MAML3: variants seen among roughly 807,000 people sequenced by gnomAD.
MAML3 encodes mastermind-like protein 3.
Under a neutral mutation model 101.9 loss-of-function variants are expected in MAML3, and 27 were observed. That is an observed-to-expected ratio of 0.27 (90% CI 0.20 to 0.37). MAML3 has a LOEUF of 0.37. Ranked by LOEUF, MAML3 falls within the 10% of genes least tolerant of loss-of-function variation. The probability of loss-of-function intolerance (pLI) is 1.00; values close to 1 mark genes in which losing one functional copy is unlikely to be tolerated. For synonymous variants in MAML3, 501 were observed against 555.9 expected (o/e 0.90, Z 1.39); for missense variants, 1,316 against 1,444.9 (o/e 0.91, Z 1.45).
chr4:139,901,957 C>T (rs9884713), intron 1 of MAML3, among the ~76,000 whole-genome samples: 130,237 of 152,220 alleles, frequency 0.86, 56,027 homozygotes, highest in South Asian at 0.92. Context: ...GTGCACCAGC[C>T]TAGCAGGATG....
intron 2 of MAML3, among the ~76,000 whole-genome samples, chr4:139,878,356 T>G (rs1732152089): frequency 6.6e-6 from 1 of 152,162 alleles, no homozygotes. Flanking sequence ...TAGCACTGAC[T>G]ACTCGCTCCC....
At chr4:139,886,579 G>T (rs1180387588) in intron 2 of MAML3, among the ~76,000 whole-genome samples, 2 of 151,890 alleles carry the variant, frequency 1.3e-5, no homozygotes, top group Admixed American at 6.6e-5. Flanking sequence ...ATTGTTTTAT[G>T]ATCTATTTTA....
intron 1 of MAML3, chr4:140,133,193 A>C (rs1728825440): frequency 2.6e-6 from 1 of 389,584 alleles, no homozygotes; most frequent in Non-Finnish European, 5.1e-6. Context: ...GTTTACTTTA[A>C]AAGTCCTATT....
intron 2 of MAML3, among the ~76,000 whole-genome samples, chr4:139,784,955 G>A (rs934580780): frequency 6.6e-6 from 1 of 152,210 alleles, no homozygotes; most frequent in African/African-American, 2.4e-5. Flanking sequence ...GTGGAAAGAA[G>A]GTAGATGATG....
chr4:139,943,183 T>A (rs1437638366), intron 1 of MAML3, among the ~76,000 whole-genome samples: 1 of 152,198 alleles, frequency 6.6e-6, no homozygotes, highest in Non-Finnish European at 1.5e-5. Flanking sequence ...TCTAATCATT[T>A]CAGTTTGAAG....
chr4:139,793,845 A>G (rs1174207057), intron 2 of MAML3, among the ~76,000 whole-genome samples: 4 of 152,220 alleles, frequency 2.6e-5, no homozygotes, highest in South Asian at 4.1e-4. Flanking sequence ...ATGGTGTTCA[A>G]TGGTGAGGCA....
intron 1 of MAML3, among the ~76,000 whole-genome samples, chr4:140,072,280 A>T (rs1390126696): frequency 1.3e-5 from 2 of 152,208 alleles, no homozygotes; most frequent in African/African-American, 4.8e-5. Flanking sequence ...ACATGTACAG[A>T]CTTTTTTCTT....
intron 2 of MAML3, among the ~76,000 whole-genome samples, chr4:139,747,040 C>T (rs536950337): frequency 4.1e-4 from 62 of 152,286 alleles, no homozygotes; most frequent in Non-Finnish European, 7.4e-4. Context: ...TGTTTGGAAC[C>T]TACTGAGTCT....
intron 1 of MAML3, among the ~76,000 whole-genome samples, chr4:139,919,967 C>T (rs1451490903): frequency 6.6e-6 from 1 of 152,140 alleles, no homozygotes; most frequent in African/African-American, 2.4e-5. Flanking sequence ...ACTATTTTTG[C>T]TATAGAGGCC....
intron 1 of MAML3, among the ~76,000 whole-genome samples, chr4:139,999,847 C>T (rs1183733220): frequency 6.6e-6 from 1 of 152,212 alleles, no homozygotes; most frequent in East Asian, 1.9e-4. Flanking sequence ...TTTGGGGCCT[C>T]AGTTCTGGAT....
intron 2 of MAML3, among the ~76,000 whole-genome samples, chr4:139,880,756 T>A (rs940020353): frequency 6.6e-5 from 10 of 152,252 alleles, no homozygotes; most frequent in Non-Finnish European, 1.5e-4. Flanking sequence ...TGTAAAATTA[T>A]AAATTTCAAT....
At chr4:140,138,442 T>TA (rs767570417) in intron 1 of MAML3, among the ~76,000 whole-genome samples, 47 of 152,346 alleles carry the variant, frequency 3.1e-4, no homozygotes, top group Middle Eastern at 3.4e-3. Context: ...TAACAACTTC[T>TA]AAACGGAGAA....
chr4:140,045,575 C>T (rs1046312320), intron 1 of MAML3, among the ~76,000 whole-genome samples: 5 of 152,058 alleles, frequency 3.3e-5, no homozygotes, highest in African/African-American at 9.7e-5. Context: ...ATAACTTACA[C>T]AGCTAATCTC....
At chr4:139,913,508 T>C (rs952439907) in intron 1 of MAML3, among the ~76,000 whole-genome samples, 2 of 152,188 alleles carry the variant, frequency 1.3e-5, no homozygotes, top group African/African-American at 4.8e-5. Flanking sequence ...CACTTGAGTT[T>C]CATGGGGGAA....
At position 140,153,008 on chromosome 4, in the gene MAML3, C is replaced by A; in HGVS notation, c.320G>T (p.Arg107Leu). The change falls in exon 1 of 5, where the codon CGC becomes CTC. Residue 107 changes from arginine (R) to leucine (L), a missense_variant. Arg to Leu is a moderately radical substitution (Grantham distance 102, BLOSUM62 -2). Coordinates refer to ENST00000509479, the MANE Select transcript of MAML3 (RefSeq NM_018717.5). Reference sequence around the variant, plus strand: ...CTGGTAGAGGCTCACGGTGTCCCGGCGCTCCAGCTCCAGCTGCTCCACCTG... The same window carrying A: ...CTGGTAGAGGCTCACGGTGTCCCGGAGCTCCAGCTCCAGCTGCTCCACCTG... ...QAQVEQLELE[R>L]RDTVSLYQRT... The A allele has an allele frequency of 6.2e-7, 1 of 1,605,290 alleles. No homozygotes were observed. Among genetic ancestry groups the A allele is most frequent in the Non-Finnish European group, 8.5e-7 (1 of 1,176,126 alleles).
chr4:139,950,125 C>T (rs983785190), intron 1 of MAML3, among the ~76,000 whole-genome samples: 1 of 152,156 alleles, frequency 6.6e-6, no homozygotes, highest in Non-Finnish European at 1.5e-5. Flanking sequence ...ACTGCAACCT[C>T]CGCCTCCCAG....
At chr4:139,880,039 G>A (rs945073823) in intron 2 of MAML3, among the ~76,000 whole-genome samples, 5 of 152,074 alleles carry the variant, frequency 3.3e-5, no homozygotes, top group South Asian at 2.1e-4. Context: ...TGGGCGTGGC[G>A]GCCTGTGCCT....
intron 2 of MAML3, among the ~76,000 whole-genome samples, chr4:139,760,770 C>T (rs142907278): frequency 1.7e-4 from 26 of 152,158 alleles, no homozygotes; most frequent in Non-Finnish European, 2.6e-4. Flanking sequence ...AAAGAGATAC[C>T]AAGAGGCTGG....
At chr4:139,806,783 C>CA (rs1262493756) in intron 2 of MAML3, among the ~76,000 whole-genome samples, 3 of 152,022 alleles carry the variant, frequency 2.0e-5, no homozygotes, top group Non-Finnish European at 4.4e-5. Flanking sequence ...GTTAAATGAC[C>CA]AAAAACCTCA....
Sources: gnomAD v4.1 joint callset for allele counts (sites outside exome capture counted in the v4.1 genomes callset) on GRCh38, gnomAD v4.1.1 for gene constraint, MANE v1.5 for transcripts, NCBI Gene and HGNC (gene_info 2026-07-23, HGNC 2026-07-21) for gene names.